The following PKN3 variants were observed in gnomAD, a reference collection of about 807,000 sequenced individuals.
The protein encoded by PKN3 is serine/threonine-protein kinase N3.
PKN3 carries 91 observed loss-of-function variants against 113.1 expected under a neutral mutation model. The observed-to-expected ratio is 0.80, with a 90% confidence interval of 0.68 to 0.96. The LOEUF (loss-of-function observed/expected upper bound fraction) is 0.96, where lower values mean the gene tolerates loss of function less well. PKN3 is among the 40% of genes least tolerant of loss of function. The pLI is 0.00. For synonymous variants in PKN3, 467 were observed against 499.0 expected, an observed-to-expected ratio of 0.94 and a Z score of 0.85; for missense variants, 1,052 against 1,202.2, an observed-to-expected ratio of 0.88 and a Z score of 1.85.
chr9:128,706,628 G>C, intron 3 of PKN3, 85 bp from the exon 4 acceptor site: 1 of 1,017,196 alleles, frequency 9.8e-7, no homozygotes, highest in Non-Finnish European at 1.4e-6. Context: ...TGTTTTGATG[G>C]GGGAGACCCG....
chr9:128,713,277 G>A lies in PKN3; in HGVS notation c.983-1G>A. On this transcript the variant is annotated splice_acceptor_variant, in intron 7 of 21. Coordinates refer to ENST00000291906, the MANE Select transcript of PKN3 (RefSeq NM_013355.5). LOFTEE classifies it high-confidence loss of function. ...CCTGAGTCCCGGCTCTGGCCCTGCA[G>A]GCGAGGTGCTGGCTGTGCTAAAGGT... The A allele has an allele frequency of 6.2e-7, 1 of 1,613,918 alleles. No homozygotes were observed. The highest frequency in any genetic ancestry group is 8.5e-7 in the Non-Finnish European group (1 of 1,179,944).
chr9:128,717,984 G>A (rs534394242), intron 16 of PKN3, among the ~76,000 whole-genome samples: 3 of 151,566 alleles, frequency 2.0e-5, no homozygotes, highest in East Asian at 3.9e-4. Context: ...GCAGTGAGCC[G>A]AGATCGCACC....
Position 128,719,709 on chromosome 9 carries a change from A to G in PKN3, c.2149A>G (p.Ser717Gly). ...KEGIGFGDRT[S>G]TFCGTPEFLA... ...AGGGATCGGCTTCGGGGACCGGACT[A>G]GCACCTTCTGTGGCACCCCGGAGTT... The change falls in exon 19 of 22, where the codon AGC becomes GGC. Residue 717 changes from serine (S) to glycine (G), a missense_variant. Physicochemically the swap from Ser to Gly is moderately conservative, Grantham distance 56 (BLOSUM62 0). Around this residue, in one of 2 missense-constraint regions of PKN3, gnomAD observed 333 missense variants for 442.8 expected, o/e 0.75. Transcript: ENST00000291906. 1 of 1,578,836 alleles carries G rather than the reference A, an allele frequency of 6.3e-7. No homozygotes were observed. The highest frequency in any genetic ancestry group is 8.6e-7 in the Non-Finnish European group (1 of 1,161,880).
At chr9:128,707,493 G>C (rs1862056596) in intron 6 of PKN3, 88 bp downstream of exon 6, 1 of 1,131,918 alleles carries the variant, frequency 8.8e-7, no homozygotes, top group Admixed American at 2.5e-5. Context: ...GAGTTCAAGA[G>C]TTCCAGTCCT....
In PKN3 at chr9:128,706,933, G is replaced by A; in HGVS notation, c.561G>A (p.Leu187=). ...TGGCGGAGGAGCTACAGCATCGACT[G>A]CACGTTGAGGCAGCTGTGGCTGAGG... The part of the protein sequence containing the change: ...ELLAEELQHR[L]HVEAAVAEGA... The change falls in exon 5 of 22, where the codon CTG becomes CTA. Residue 187 remains leucine, a synonymous_variant. Coordinates refer to ENST00000291906, the MANE Select transcript of PKN3 (RefSeq NM_013355.5). The A allele has an allele frequency of 6.2e-7, 1 of 1,614,218 alleles. No individual in the cohort carries two copies. The highest frequency in any genetic ancestry group is 2.2e-5 in the East Asian group (1 of 44,884).
rs1425013095 is a variant in PKN3, at chr9:128,720,645, C to A, written c.*39C>A. ...CACCTCTGTCCCCTTCCCCCACAGA[C>A]TGTTAGAGCCTCTGCTCGTTCACCC... is the stretch of plus-strand genomic sequence containing the variant. On this transcript the variant is annotated 3_prime_UTR_variant, in exon 22 of 22. Coordinates refer to ENST00000291906, the MANE Select transcript of PKN3 (RefSeq NM_013355.5). This position sits in a 1 kb window ranked among gnomAD's most constrained non-coding sequence, Gnocchi z 5.5. The A allele has an allele frequency of 1.3e-6, 2 of 1,546,904 alleles. No individual in the cohort carries two copies. Among genetic ancestry groups the A allele is most frequent in the Non-Finnish European group, 1.8e-6 (2 of 1,126,822 alleles).
rs1188565312 is a variant in PKN3 at position 128,720,629 on chromosome 9, C to T, written c.*23C>T. 3 of 1,592,844 alleles carry T rather than the reference C, an allele frequency of 1.9e-6. No individual in the cohort carries two copies. The highest frequency in any genetic ancestry group is 1.1e-5 in the South Asian group (1 of 90,052). On this transcript the variant is annotated 3_prime_UTR_variant, in exon 22 of 22. Transcript: ENST00000291906. The surrounding 1 kb of genome is among the most constrained non-coding windows in gnomAD (Gnocchi z 5.5). Reference sequence around the variant, plus strand: ...TGAGGGCATCTCCTGGCACCTCTGTCCCCTTCCCCCACAGACTGTTAGAGC... The same window carrying T: ...TGAGGGCATCTCCTGGCACCTCTGTTCCCTTCCCCCACAGACTGTTAGAGC...
chr9:128,712,795 G>A (rs1473835173), intron 6 of PKN3, among the ~76,000 whole-genome samples: 1 of 152,108 alleles, frequency 6.6e-6, no homozygotes, highest in Non-Finnish European at 1.5e-5. Context: ...CTCCTAGGGT[G>A]TCATCGGGGT....
rs140646616 is a variant in PKN3, at chr9:128,706,882, C to A, written c.524-14C>A. The A allele has an allele frequency of 1.2e-6, 2 of 1,613,958 alleles. No individual in the cohort carries two copies. The highest frequency in any genetic ancestry group is 3.3e-5 in the Admixed American group (2 of 60,016). On this transcript the variant is annotated splice_polypyrimidine_tract_variant and intron_variant, in intron 4 of 21. Coordinates refer to ENST00000291906, the MANE Select transcript of PKN3 (RefSeq NM_013355.5). The stretch of plus-strand genomic sequence containing the variant: ...GGGAAGAGCAGGGCCTGAGAGCCGC[C>A]GTCCTTCCCACAGGGCCTGAGCTGC...
At chr9:128,705,922 G>A (rs993781967) in intron 3 of PKN3, 43 bp downstream of exon 3, 61 of 1,516,780 alleles carry the variant, frequency 4.0e-5, no homozygotes, top group Non-Finnish European at 5.2e-5. Context: ...CTGGCCCCTG[G>A]TCTGACAGGG....
Position 128,715,499 on chromosome 9 carries a change from C to T in PKN3, c.1808+39C>T, listed in dbSNP as rs550286526. The T allele has an allele frequency of 3.9e-6, 6 of 1,530,472 alleles. No individual in the cohort carries two copies. The South Asian group carries it at 4.5e-5, about 11-fold the overall frequency. 94.8% of individuals were successfully genotyped at this position (1,530,472 alleles called of 1,614,324 possible). A position where few individuals can be genotyped will look rare whatever the true frequency, so the allele number is the denominator to read the frequency against. On this transcript the variant is annotated intron_variant, in intron 15 of 21. Transcript: ENST00000291906. This position sits in a 1 kb window ranked among gnomAD's most constrained non-coding sequence, Gnocchi z 4.1. The stretch of plus-strand genomic sequence containing the variant: ...CCGCAGGGCACCCAGGATGGCTGGC[C>T]TGGGCTGTGGCATCCAGAGGGCAGT...
Position 128,714,651 on chromosome 9 carries a change from C to A in PKN3, c.1571C>A (p.Ser524Tyr). Residue 524 changes from serine (S) to tyrosine (Y), a missense_variant, in exon 12 of 22, where the codon TCC (serine) becomes TAC (tyrosine). Ser to Tyr is a moderately radical substitution (Grantham distance 144). This residue lies in a region of PKN3 where 719 missense variants were observed against 759.4 expected (regional missense o/e 0.95). Coordinates refer to ENST00000291906, the MANE Select transcript of PKN3 (RefSeq NM_013355.5). ...CTCTACCTCCCCCAGGAGCCAACAT[C>A]CGAGGAGACTCCGGTGAGGGGCTGG... ...PRLYLPQEPT[S>Y]EETPRTKRPH... 1 of 1,438,442 alleles carries A rather than the reference C, an allele frequency of 7.0e-7. No homozygotes were observed. The highest frequency in any genetic ancestry group is 9.8e-7 in the Non-Finnish European group (1 of 1,020,206). The allele number at this position is 1,438,442 out of a possible 1,614,324, so 89.1% of individuals were successfully genotyped here.
Position 128,713,206 on chromosome 9 carries a change from G to A in PKN3, c.982+8G>A. The A allele has an allele frequency of 6.2e-7, 1 of 1,608,920 alleles. No homozygotes were observed. The highest frequency in any genetic ancestry group is 8.5e-7 in the Non-Finnish European group (1 of 1,176,414). ...GCCGAGGCGAGCTTGCCAGTGAGTA[G>A]GGAAGGAGCTTCAGGGGGAGCAGGA... On this transcript the variant is annotated splice_region_variant and intron_variant, in intron 7 of 21. Coordinates refer to ENST00000291906, the MANE Select transcript of PKN3 (RefSeq NM_013355.5).
chr9:128,706,892 A>G lies in PKN3; in HGVS notation c.524-4A>G, dbSNP rs536983003. The G allele has an allele frequency of 6.2e-7, 1 of 1,614,100 alleles. No individual in the cohort carries two copies. Among genetic ancestry groups the G allele is most frequent in the South Asian group, 1.1e-5 (1 of 91,086 alleles). On this transcript the variant is annotated splice_polypyrimidine_tract_variant and splice_region_variant and intron_variant, in intron 4 of 21. Coordinates refer to ENST00000291906, the MANE Select transcript of PKN3 (RefSeq NM_013355.5). The stretch of plus-strand genomic sequence containing the variant: ...GGGCCTGAGAGCCGCCGTCCTTCCC[A>G]CAGGGCCTGAGCTGCTGGCGGAGGA...
At chr9:128,719,274 C>G (rs984104951) in intron 18 of PKN3, among the ~76,000 whole-genome samples, 1 of 151,980 alleles carries the variant, frequency 6.6e-6, no homozygotes, top group Middle Eastern at 3.2e-3. Context: ...ACTGCAACCT[C>G]TGCCTCCAAG....
intron 3 of PKN3, 34 bp downstream of exon 3, chr9:128,705,913 TG>T: frequency 6.5e-7 from 1 of 1,540,924 alleles, no homozygotes; most frequent in Admixed American, 1.9e-5. Context: ...AGGAGCACCC[TG>T]GCCCCTGGTC....
In PKN3 at chr9:128,714,170, G is replaced by A. The variant is rs202174026; in HGVS notation, c.1313-27G>A. On this transcript the variant is annotated intron_variant, in intron 10 of 21. Transcript: ENST00000291906. ...TGTGAGGGAGCAGGGCTGGGGTCCC[G>A]GGACTAAGCTCCCCCTTTTCTCCCA... The A allele has an allele frequency of 9.9e-6, 16 of 1,613,910 alleles. No individual in the cohort carries two copies. The African/African-American group carries it at 1.1e-4, about 11-fold the overall frequency.
chr9:128,709,192 G>A (rs543967303), intron 6 of PKN3, among the ~76,000 whole-genome samples: 124 of 152,056 alleles, frequency 8.2e-4, no homozygotes, highest in African/African-American at 2.7e-3. Context: ...GGCTGAGGCA[G>A]GAGAATGGCG....
At chr9:128,717,027 C>T in intron 16 of PKN3, 104 bp downstream of exon 16, 1 of 909,276 alleles carries the variant, frequency 1.1e-6, no homozygotes. Flanking sequence ...AGCAGGGGAG[C>T]AGGAGTCAGA....
Sources: gnomAD v4.1 joint callset for allele counts (sites outside exome capture counted in the v4.1 genomes callset) on GRCh38, gnomAD v4.1.1 for gene constraint, gnomAD v4.1.1 regional missense constraint, Gnocchi (gnomAD v3.1) non-coding constraint, MANE v1.5 for transcripts, NCBI Gene and HGNC (gene_info 2026-07-23, HGNC 2026-07-21) for gene names.